Variants in AMD1 observed in about 807,000 individuals in gnomAD.
AMD1 encodes the protein S-adenosylmethionine decarboxylase proenzyme.
AMD1 carries 11 observed loss-of-function variants against 40.2 expected under a neutral mutation model. The ratio of observed to expected loss-of-function variants is 0.27; its 90% confidence interval spans 0.17 to 0.45. The LOEUF (loss-of-function observed/expected upper bound fraction) is 0.45. Among genes scored for constraint, AMD1 ranks in the 20% least tolerant of loss-of-function variants. The probability of loss-of-function intolerance (pLI) is 1.00; values close to 1 mark genes in which losing one functional copy is unlikely to be tolerated. For synonymous variants in AMD1, 121 were observed against 130.8 expected, an observed-to-expected ratio of 0.93 and a Z score of 0.51; for missense variants, 257 against 410.2, an observed-to-expected ratio of 0.63 and a Z score of 3.23.
At chr6:110,832,801 C>A in the AMD1 span, among the ~76,000 whole-genome samples, 1 of 151,998 alleles carries the variant, frequency 6.6e-6, no homozygotes, top group Non-Finnish European at 1.5e-5. Context: ...AATGTTTGTT[C>A]CATCCACTTT....
chr6:110,852,200 ATTTTTTTTTTTTTTTTTTTTTTTT>A, the AMD1 span, among the ~76,000 whole-genome samples: 7 of 51,310 alleles, frequency 1.4e-4, no homozygotes, highest in East Asian at 4.5e-4. Context: ...CGCCTGGCTA[ATTTTTTTTTTTTTTTTTTTTTTTT>A]TTTTTTTTTT....
intron 1 of AMD1, among the ~76,000 whole-genome samples, chr6:110,882,870 G>A (rs146893384): frequency 6.4e-4 from 97 of 152,316 alleles, no homozygotes; most frequent in African/African-American, 2.2e-3. Context: ...TATAATCCTA[G>A]CACTTTGGGA....
chr6:110,860,909 A>G, the AMD1 span, among the ~76,000 whole-genome samples: 2 of 150,840 alleles, frequency 1.3e-5, no homozygotes, highest in Non-Finnish European at 2.9e-5. Context: ...CTGATTTTTA[A>G]ATTTGTGGTG....
Position 110,875,066 on chromosome 6 carries a change from GA to G in AMD1, c.-39del. ...GCGGGAGAAGAGGTTTAATTTAGTT[GA>G]TTTTCTGTGGTTGTTGGTTGTTCGC... On this transcript the variant is annotated 5_prime_UTR_variant, in exon 1 of 9. Transcript: ENST00000368885. 1.3e-6 allele frequency: 2 copies of G among 1,528,858 alleles called. No homozygotes were observed. The highest frequency in any genetic ancestry group is 1.8e-6 in the Non-Finnish European group (2 of 1,115,266). The allele number at this position is 1,528,858 out of a possible 1,614,324, so 94.7% of individuals were successfully genotyped here.
At chr6:110,884,458 G>A (rs906470189) in intron 1 of AMD1, among the ~76,000 whole-genome samples, 125 of 152,308 alleles carry the variant, frequency 8.2e-4, no homozygotes, top group African/African-American at 2.9e-3. Flanking sequence ...TTTTAAGAGA[G>A]GGTCTTGCTC....
chr6:110,868,280 G>A, the AMD1 span, among the ~76,000 whole-genome samples: 4 of 151,436 alleles, frequency 2.6e-5, no homozygotes, highest in Admixed American at 2.0e-4. Context: ...CCCAAGTAGC[G>A]GGGACTACAG....
intron 1 of AMD1, among the ~76,000 whole-genome samples, chr6:110,877,807 C>T (rs929879072): frequency 6.6e-6 from 1 of 152,130 alleles, no homozygotes; most frequent in Non-Finnish European, 1.5e-5. Flanking sequence ...CTCCTGGGCT[C>T]TATTAAGATG....
the AMD1 span, among the ~76,000 whole-genome samples, chr6:110,864,827 T>A: frequency 6.7e-3 from 1,024 of 152,306 alleles, 6 homozygotes; most frequent in Middle Eastern, 0.014. Flanking sequence ...CACAAATAAA[T>A]GCCAAAATGC....
the AMD1 span, among the ~76,000 whole-genome samples, chr6:110,861,128 G>A: frequency 2.5e-4 from 38 of 152,284 alleles, no homozygotes; most frequent in Admixed American, 5.9e-4. Flanking sequence ...GGAGGCCAAG[G>A]TGGGCGGATC....
chr6:110,835,844 A>AACAAG, the AMD1 span, among the ~76,000 whole-genome samples: 1 of 151,668 alleles, frequency 6.6e-6, no homozygotes, highest in East Asian at 2.0e-4. Context: ...CAGCCTGGGC[A>AACAAG]ACAAGAGCAA....
the AMD1 span, among the ~76,000 whole-genome samples, chr6:110,853,182 G>T: frequency 1.3e-5 from 2 of 151,742 alleles, no homozygotes. Flanking sequence ...GAGCGCAGTG[G>T]TGTCATCTTG....
the AMD1 span, among the ~76,000 whole-genome samples, chr6:110,837,113 C>T: frequency 6.9e-6 from 1 of 144,804 alleles, no homozygotes; most frequent in African/African-American, 2.6e-5. Context: ...GCTGTGATAC[C>T]ACCACTGCAC....
At chr6:110,881,708 C>T (rs1034894856) in intron 1 of AMD1, among the ~76,000 whole-genome samples, 2 of 151,920 alleles carry the variant, frequency 1.3e-5, no homozygotes, top group Non-Finnish European at 2.9e-5. Flanking sequence ...GTAATCAGTC[C>T]CAACTACTCG....
At chr6:110,859,072 G>T in the AMD1 span, 1 of 1,262,928 alleles carries the variant, frequency 7.9e-7, no homozygotes, top group East Asian at 2.3e-5. Flanking sequence ...GTGGCCGACA[G>T]GGCTCCCTCG....
At chr6:110,891,189 T>G (rs1004745298) in intron 4 of AMD1, 4 of 152,206 alleles carry the variant, frequency 2.6e-5, no homozygotes, top group Admixed American at 2.6e-4. Flanking sequence ...GTCAAACTCT[T>G]GAGTTCAAGC....
At chr6:110,868,953 G>A in the AMD1 span, among the ~76,000 whole-genome samples, 4 of 151,604 alleles carry the variant, frequency 2.6e-5, no homozygotes, top group African/African-American at 9.7e-5. Context: ...CCAGCTACTC[G>A]GGAGGCTGAA....
At chr6:110,820,236 C>CTTTAT in the AMD1 span, among the ~76,000 whole-genome samples, 1 of 132,190 alleles carries the variant, frequency 7.6e-6, no homozygotes, top group Non-Finnish European at 1.7e-5. Context: ...TTCTTTCTTT[C>CTTTAT]TTTCTTTTTT....
the AMD1 span, among the ~76,000 whole-genome samples, chr6:110,839,639 A>T: frequency 6.6e-6 from 1 of 152,168 alleles, no homozygotes; most frequent in African/African-American, 2.4e-5. Flanking sequence ...ATAAATAAAT[A>T]AAATAAACAA....
At chr6:110,860,250 G>C in the AMD1 span, among the ~76,000 whole-genome samples, 4 of 152,030 alleles carry the variant, frequency 2.6e-5, no homozygotes, top group African/African-American at 9.7e-5. Flanking sequence ...CCACCCAGGG[G>C]CCCTACCCCA....
Sources: allele counts gnomAD v4.1 joint callset (sites outside exome capture counted in the v4.1 genomes callset), GRCh38; gene constraint gnomAD v4.1.1; transcripts MANE v1.5; gene names NCBI Gene and HGNC (gene_info 2026-07-23, HGNC 2026-07-21).